Variants in GPATCH3 observed in about 807,000 individuals in gnomAD.
GPATCH3 encodes the protein G-patch domain containing 3.
GPATCH3 carries 45 observed loss-of-function variants against 53.2 expected under a neutral mutation model. The observed-to-expected ratio is 0.85, with a 90% CI of 0.67 to 1.08. The LOEUF (loss-of-function observed/expected upper bound fraction) is 1.08. Among genes scored for constraint, GPATCH3 ranks in the 50% least tolerant of loss-of-function variants. GPATCH3 has a pLI of 0.00. For synonymous variants in GPATCH3, 280 were observed against 270.6 expected (o/e 1.03, Z -0.34); for missense variants, 680 against 687.2 (o/e 0.99, Z 0.12).
chr1:26,891,976 G>A lies in GPATCH3; in HGVS notation c.1361+435C>T, dbSNP rs148525337. On this transcript the variant is annotated intron_variant, in intron 6 of 6. Transcript: ENST00000361720. ...CCCGCCTCAGCCTCCCAAAGTGCTA[G>A]GATTACAGGCATGAGCCACTGCGCC... Among the ~76,000 whole-genome samples the A allele has an allele frequency of 5.0e-3, 761 of 152,214 alleles. 8 individuals are homozygous for A. The highest frequency in any genetic ancestry group is 0.017 in the African/African-American group (703 of 41,542).
In GPATCH3 at chr1:26,894,354, GGTCAC is replaced by G. The variant is rs776885384; in HGVS notation, c.928_932del (p.Val310ArgfsTer7). ...GCTGCTCAGTGGTCCGCTCCTGCCC[GGTCAC>G]GTCCTCATGCAGCGCTTCATGCCGT... On this transcript the variant is annotated frameshift_variant, in exon 3 of 7. Transcript: ENST00000361720. LOFTEE classifies it high-confidence loss of function. The G allele has an allele frequency of 1.3e-5, 21 of 1,613,888 alleles. No homozygotes were observed. The highest frequency in any genetic ancestry group is 1.7e-5 in the Non-Finnish European group (20 of 1,180,006).
chr1:26,894,457 C>T (rs1451485404), intron 2 of GPATCH3, 47 bp from the exon 3 acceptor site: 2 of 1,583,498 alleles, frequency 1.3e-6, no homozygotes, highest in South Asian at 1.1e-5. Context: ...TGACCTCATG[C>T]CCCGAGGGAG....
At position 26,890,640 on chromosome 1, in the gene GPATCH3, C is replaced by G. The variant is rs1042138399; in HGVS notation, c.*370G>C. The G allele has an allele frequency of 4.9e-6, 2 of 404,172 alleles. No homozygotes were observed. The highest frequency in any genetic ancestry group is 9.8e-6 in the Non-Finnish European group (2 of 203,426). The allele number at this position is 404,172 out of a possible 1,614,324, so 25.0% of individuals were successfully genotyped here. A position where few individuals can be genotyped will look rare whatever the true frequency, so the allele number is the denominator to read the frequency against. On this transcript the variant is annotated 3_prime_UTR_variant, in exon 7 of 7. Transcript: ENST00000361720. ...CAAGCACCACAAATCCTCTCCTCGC[C>G]CAGGTCCCTTTCCCCCTTTCTGGCC...
intron 2 of GPATCH3, among the ~76,000 whole-genome samples, chr1:26,896,441 C>A (rs1303452884): frequency 1.3e-5 from 2 of 151,436 alleles, no homozygotes; most frequent in Admixed American, 6.6e-5. Flanking sequence ...CCTGTAATCC[C>A]AGCACTTTGG....
Position 26,897,551 on chromosome 1 carries a change from C to A in GPATCH3, c.626G>T (p.Cys209Phe), listed in dbSNP as rs138186110. 8.7e-6 allele frequency: 14 copies of A among 1,614,208 alleles called. No individual in the cohort carries two copies. The highest frequency in any genetic ancestry group is 1.2e-5 in the Non-Finnish European group (14 of 1,180,040). Residue 209 changes from cysteine (C) to phenylalanine (F), a missense_variant, in exon 2 of 7, where the codon TGC becomes TTC. Transcript: ENST00000361720. ...LRVFLELIRA[C>F]RLPPRIITQL... ...GGTGATGATCCGAGGGGGTAGGCGG[C>A]AGGCCCGGATCAACTCCAAAAAGAC...
chr1:26,894,605 A>T (rs1438737067), intron 2 of GPATCH3, among the ~76,000 whole-genome samples, 195 bp from the exon 3 acceptor site: 1 of 152,018 alleles, frequency 6.6e-6, no homozygotes, highest in East Asian at 1.9e-4. Context: ...TCCTGTCCCC[A>T]CAAGCCTGAC....
At chr1:26,896,798 G>A (rs968149269) in intron 2 of GPATCH3, among the ~76,000 whole-genome samples, 5 of 151,890 alleles carry the variant, frequency 3.3e-5, no homozygotes, top group African/African-American at 4.8e-5. Context: ...TGAGGCAGGC[G>A]GGTCACGAGG....
At position 26,891,228 on chromosome 1, in the gene GPATCH3, T is replaced by C. The variant is rs1190463409; in HGVS notation, c.1362-2A>G. ...GGCTGTAGCTTCTCTCCATGGTACC[T>C]GGATAAAAACGGGCTCTCAGTGAGA... On this transcript the variant is annotated splice_acceptor_variant, in intron 6 of 6. Transcript: ENST00000361720. LOFTEE classifies it high-confidence loss of function. 1.9e-6 allele frequency: 3 copies of C among 1,609,708 alleles called. No individual in the cohort carries two copies. Among genetic ancestry groups the C allele is most frequent in the Non-Finnish European group, 1.7e-6 (2 of 1,177,122 alleles).
In GPATCH3 at chr1:26,891,129, G is replaced by C; in HGVS notation, c.1459C>G (p.Gln487Glu). The change falls in exon 7 of 7, where the codon CAA becomes GAA. Residue 487 changes from glutamine to glutamate, a missense_variant. Coordinates refer to ENST00000361720, the MANE Select transcript of GPATCH3 (RefSeq NM_022078.3). ...CGGAGCAGTGACTCCGTCTGGTCTTGGGGTAGAGGCTCATCATAGATGGTG... is the reference window on the plus strand; with the variant it reads ...CGGAGCAGTGACTCCGTCTGGTCTTCGGGTAGAGGCTCATCATAGATGGTG... Reference protein sequence around the residue: ...ISTIYDEPLPQDQTESLLRRQ... With the variant: ...ISTIYDEPLPEDQTESLLRRQ... The C allele has an allele frequency of 6.2e-7, 1 of 1,614,084 alleles. No homozygotes were observed. The highest frequency in any genetic ancestry group is 1.7e-4 in the Middle Eastern group (1 of 6,056).
In GPATCH3 at chr1:26,892,511, G is replaced by A; in HGVS notation, c.1261C>T (p.Gln421Ter). The A allele has an allele frequency of 1.9e-6, 3 of 1,613,738 alleles. No homozygotes were observed. The highest frequency in any genetic ancestry group is 2.5e-6 in the Non-Finnish European group (3 of 1,179,654). Reference protein sequence around the residue: ...KGIGRKVMERQGWAEGQGLGC... With the variant: ...KGIGRKVMER ...AGGCCCTGGCCCTCAGCCCAGCCCT[G>A]CCGCTCCATCACCTTCCGCCCAATG... is the stretch of plus-strand genomic sequence containing the variant. Residue 421 changes from glutamine to a stop codon, truncating the protein, a stop_gained, in exon 6 of 7, where the codon CAG (glutamine) becomes TAG (stop). Transcript: ENST00000361720. LOFTEE classifies it high-confidence loss of function.
At position 26,890,617 on chromosome 1, in the gene GPATCH3, A is replaced by C. The variant is rs1029175768; in HGVS notation, c.*393T>G. On this transcript the variant is annotated 3_prime_UTR_variant, in exon 7 of 7. Transcript: ENST00000361720. ...GGCCCACCCAAGGCCGGCTCTTCCA[A>C]GCACCACAAATCCTCTCCTCGCCCA... is the stretch of plus-strand genomic sequence containing the variant. The C allele has an allele frequency of 5.2e-6, 2 of 383,240 alleles. No homozygotes were observed. The highest frequency in any genetic ancestry group is 4.2e-5 in the African/African-American group (2 of 47,662). The allele number at this position is 383,240 out of a possible 1,614,324, so 23.7% of individuals were successfully genotyped here. A position where few individuals can be genotyped will look rare whatever the true frequency, so the allele number is the denominator to read the frequency against.
chr1:26,892,139 G>A (rs1221175653), intron 6 of GPATCH3, among the ~76,000 whole-genome samples: 7 of 151,980 alleles, frequency 4.6e-5, no homozygotes, highest in Non-Finnish European at 7.4e-5. Flanking sequence ...TACCACGCCC[G>A]GACTTTTTAT....
At position 26,900,250 on chromosome 1, in the gene GPATCH3, C is replaced by A; in HGVS notation, c.193G>T (p.Ala65Ser). The change falls in exon 1 of 7, where the codon GCC becomes TCC. Residue 65 changes from alanine (A) to serine (S), a missense_variant. Physicochemically the swap from Ala to Ser is moderately conservative, Grantham distance 99. Transcript: ENST00000361720. ...RAPPQAAPNSALIPTDPAAEG... is the reference protein window; with the variant it reads ...RAPPQAAPNSSLIPTDPAAEG... ...GCGGCTGGGTCGGTAGGAATTAGGG[C>A]AGAGTTAGGAGCGGCCTGCGGAGGG... 1 of 1,614,082 alleles carries A rather than the reference C, an allele frequency of 6.2e-7. No individual in the cohort carries two copies. The highest frequency in any genetic ancestry group is 1.7e-5 in the Admixed American group (1 of 60,012).
Position 26,897,462 on chromosome 1 carries a change from A to G in GPATCH3, c.715T>C (p.Tyr239His), listed in dbSNP as rs1358361145. The G allele has an allele frequency of 3.7e-6, 6 of 1,613,944 alleles. No individual in the cohort carries two copies. Among genetic ancestry groups the G allele is most frequent in the Admixed American group, 1.7e-5 (1 of 59,988 alleles). ...SRRYGNVPFE[Y>H]EDSETVEQEE... Reference sequence around the variant, plus strand: ...TGCTCCACAGTCTCTGAGTCCTCATACTCAAAAGGCACATTGCCGTAGCGC... The same window carrying G: ...TGCTCCACAGTCTCTGAGTCCTCATGCTCAAAAGGCACATTGCCGTAGCGC... Residue 239 changes from tyrosine to histidine, a missense_variant, in exon 2 of 7, where the codon TAT becomes CAT. Physicochemically the swap from Tyr to His is moderately conservative, Grantham distance 83. Transcript: ENST00000361720.
At chr1:26,899,256 A>G (rs1013106460) in intron 1 of GPATCH3, among the ~76,000 whole-genome samples, 2 of 152,210 alleles carry the variant, frequency 1.3e-5, no homozygotes, top group African/African-American at 4.8e-5. Flanking sequence ...GGCAAGTCAC[A>G]TAACTTCGGC....
At chr1:26,895,409 T>C (rs959771972) in intron 2 of GPATCH3, among the ~76,000 whole-genome samples, 1 of 151,228 alleles carries the variant, frequency 6.6e-6, no homozygotes, top group Non-Finnish European at 1.5e-5. Flanking sequence ...AGTGTAGTCC[T>C]AGCTACTAGG....
chr1:26,899,187 C>T (rs1346752042), intron 1 of GPATCH3, among the ~76,000 whole-genome samples: 1 of 152,216 alleles, frequency 6.6e-6, no homozygotes, highest in Non-Finnish European at 1.5e-5. Flanking sequence ...ACAGTATAGG[C>T]TCTGGAACAG....
rs766284404 is a variant in GPATCH3, at chr1:26,891,163, C to A, written c.1425G>T (p.Gly475=). 6.2e-7 allele frequency: 1 copy of A among 1,614,000 alleles called. No homozygotes were observed. Among genetic ancestry groups the A allele is most frequent in the Non-Finnish European group, 8.5e-7 (1 of 1,180,004 alleles). The part of the protein sequence containing the change: ...QLKRPRRNGL[G]LISTIYDEPL... Reference sequence around the variant, plus strand: ...GCTCATCATAGATGGTGGAGATGAGCCCCAAGCCATTTCTACGGGGCCTCT... The same window carrying A: ...GCTCATCATAGATGGTGGAGATGAGACCCAAGCCATTTCTACGGGGCCTCT... The change falls in exon 7 of 7, where the codon GGG becomes GGT. Residue 475 remains glycine, a synonymous_variant. Transcript: ENST00000361720.
Position 26,891,222 on chromosome 1 carries a change from G to C in GPATCH3, c.1366C>G (p.His456Asp), listed in dbSNP as rs1243528134. ...CCAAATGGCTGTAGCTTCTCTCCAT[G>C]GTACCTGGATAAAAACGGGCTCTCA... ...HPRCKRGLGYHGEKLQPFGQL... is the reference protein window; with the variant it reads ...HPRCKRGLGYDGEKLQPFGQL... The change falls in exon 7 of 7, where the codon CAT (histidine) becomes GAT (aspartate). Residue 456 changes from histidine (H) to aspartate (D), a missense_variant. By Grantham distance (81) the His-to-Asp change is moderately conservative. Transcript: ENST00000361720. 6.2e-7 allele frequency: 1 copy of C among 1,611,406 alleles called. No individual in the cohort carries two copies. Among genetic ancestry groups the C allele is most frequent in the South Asian group, 1.1e-5 (1 of 90,942 alleles).
Sources: gnomAD v4.1 joint callset for allele counts (sites outside exome capture counted in the v4.1 genomes callset) on GRCh38, gnomAD v4.1.1 for gene constraint, MANE v1.5 for transcripts, NCBI Gene and HGNC (gene_info 2026-07-23, HGNC 2026-07-21) for gene names.